ANO1: variants seen among roughly 807,000 people sequenced by gnomAD.
ANO1 encodes the protein anoctamin 1, also known as anoctamin-1.
Under a neutral mutation model 124.0 loss-of-function variants are expected in ANO1, and 59 were observed. The ratio of observed to expected loss-of-function variants is 0.48; its 90% CI spans 0.39 to 0.59. The LOEUF (loss-of-function observed/expected upper bound fraction) is 0.59, where lower values mean the gene tolerates loss of function less well. Ranked by LOEUF, ANO1 falls within the 20% of genes least tolerant of loss-of-function variation. The pLI is 0.00. For synonymous variants in ANO1, 529 were observed against 532.0 expected, an observed-to-expected ratio of 0.99 and a Z score of 0.08; for missense variants, 1,059 against 1,328.0, an observed-to-expected ratio of 0.80 and a Z score of 3.15.
At chr11:70,161,978 G>T (rs2048062636) in intron 18 of ANO1, among the ~76,000 whole-genome samples, 1 of 151,378 alleles carries the variant, frequency 6.6e-6, no homozygotes, top group Admixed American at 6.6e-5. Flanking sequence ...TGAGGACCGG[G>T]GAGTGAGGAC....
intron 1 of ANO1, among the ~76,000 whole-genome samples, chr11:70,000,320 C>T (rs1447274632): frequency 2.1e-5 from 1 of 47,716 alleles, no homozygotes; most frequent in Non-Finnish European, 5.7e-5. Flanking sequence ...TAGAGATGGG[C>T]CGGGGGGGGA....
chr11:69,978,184 G>T, the ANO1 span, among the ~76,000 whole-genome samples: 1 of 152,180 alleles, frequency 6.6e-6, no homozygotes, highest in African/African-American at 2.4e-5. Context: ...TTTCTGGAAG[G>T]GGGTGGCATT....
chr11:70,150,786 C>T (rs966939466), intron 12 of ANO1, among the ~76,000 whole-genome samples: 1 of 152,048 alleles, frequency 6.6e-6, no homozygotes, highest in African/African-American at 2.4e-5. Context: ...AGAACTTTTT[C>T]ATGCATTTTT....
At chr11:70,150,661 A>G (rs2135633700) in intron 12 of ANO1, among the ~76,000 whole-genome samples, 1 of 152,242 alleles carries the variant, frequency 6.6e-6, no homozygotes, top group East Asian at 1.9e-4. Flanking sequence ...CAGCCTCCCA[A>G]GTAGCTGGGG....
At chr11:70,121,507 C>G (rs2046269491) in intron 8 of ANO1, among the ~76,000 whole-genome samples, 1 of 145,846 alleles carries the variant, frequency 6.9e-6, no homozygotes, top group Non-Finnish European at 1.5e-5. Flanking sequence ...GTCTGTCTCT[C>G]TATCTCTGTC....
chr11:70,121,776 CTCTCTA>C (rs1445152600), intron 8 of ANO1, among the ~76,000 whole-genome samples: 43 of 134,942 alleles, frequency 3.2e-4, no homozygotes, highest in South Asian at 7.9e-4. Context: ...CTCTGTCTGT[CTCTCTA>C]TCTCTGTCTC....
intron 24 of ANO1, among the ~76,000 whole-genome samples, chr11:70,183,862 TG>T (rs2049015121): frequency 6.6e-6 from 1 of 152,214 alleles, no homozygotes; most frequent in Non-Finnish European, 1.5e-5. Flanking sequence ...TCTCCATCCC[TG>T]GGGTGGGGTC....
intron 1 of ANO1, among the ~76,000 whole-genome samples, chr11:70,030,692 C>T (rs928654360): frequency 6.6e-6 from 1 of 152,166 alleles, no homozygotes; most frequent in Non-Finnish European, 1.5e-5. Context: ...CCCGAATAAT[C>T]TCCCCATCTC....
chr11:70,036,684 T>C (rs1333008819), intron 1 of ANO1, among the ~76,000 whole-genome samples: 7 of 152,220 alleles, frequency 4.6e-5, no homozygotes, highest in Non-Finnish European at 1.0e-4. Context: ...CTCGGCTCAC[T>C]GCAAGCTCCA....
intron 1 of ANO1, among the ~76,000 whole-genome samples, chr11:70,070,986 C>T (rs782072298): frequency 4.6e-5 from 7 of 152,290 alleles, no homozygotes; most frequent in Non-Finnish European, 7.4e-5. Context: ...ATCGCTTCCA[C>T]TTGGCAAGGT....
At chr11:70,115,911 G>A (rs967854729) in intron 7 of ANO1, among the ~76,000 whole-genome samples, 16 of 152,138 alleles carry the variant, frequency 1.1e-4, no homozygotes, top group African/African-American at 3.9e-4. Flanking sequence ...GGGTCTGACC[G>A]AACTTAGGTG....
chr11:69,999,300 T>G (rs1856335358), intron 1 of ANO1, among the ~76,000 whole-genome samples: 1 of 152,056 alleles, frequency 6.6e-6, no homozygotes, highest in African/African-American at 2.4e-5. Flanking sequence ...CTGAATCTCA[T>G]GAGAACTCAC....
At chr11:70,162,032 GA>G (rs201556327) in intron 18 of ANO1, among the ~76,000 whole-genome samples, 1,552 of 150,726 alleles carry the variant, frequency 0.01, 32 homozygotes, top group African/African-American at 0.035. Context: ...GGGCCGTGGG[GA>G]CCCCAGGCAG....
intron 10 of ANO1, among the ~76,000 whole-genome samples, chr11:70,131,154 A>T (rs1004473926): frequency 6.6e-6 from 1 of 152,176 alleles, no homozygotes; most frequent in African/African-American, 2.4e-5. Context: ...TAGGCTGCAG[A>T]GGCTGCTGCC....
intron 1 of ANO1, among the ~76,000 whole-genome samples, chr11:70,020,717 G>T (rs1222267692): frequency 6.6e-6 from 1 of 152,340 alleles, no homozygotes; most frequent in Non-Finnish European, 1.5e-5. Flanking sequence ...CCCAGAGGGG[G>T]ACAGAGTGCT....
At chr11:70,015,047 G>A (rs883974) in intron 1 of ANO1, 35,946 of 151,790 alleles carry the variant, frequency 0.24, 4,422 homozygotes, top group Admixed American at 0.27. Context: ...ATGGAGACAC[G>A]TGGACCAATA....
At position 70,087,765 on chromosome 11, in the gene ANO1, T is replaced by C. The variant is rs1298644822; in HGVS notation, c.122T>C (p.Leu41Ser). 1.2e-6 allele frequency: 2 copies of C among 1,602,918 alleles called. No homozygotes were observed. The highest frequency in any genetic ancestry group is 1.7e-5 in the Admixed American group (1 of 59,206). The change falls in exon 2 of 26, where the codon TTA becomes TCA. Residue 41 changes from leucine to serine, a missense_variant. Physicochemically the swap from Leu to Ser is moderately radical, Grantham distance 145. Coordinates refer to ENST00000355303, the MANE Select transcript of ANO1 (RefSeq NM_018043.7). ...TTCCACCCTTAGCTGCTGAACTCCT[T>C]ATCTGTGGACCCTGATGCCGAGTGC... is the stretch of plus-strand genomic sequence containing the variant. ...LPSEGTLLNS[L>S]SVDPDAECKY... is the part of the protein sequence containing the mutation.
At chr11:70,159,065 C>T (rs771004123) in intron 16 of ANO1, among the ~76,000 whole-genome samples, 6 of 152,138 alleles carry the variant, frequency 3.9e-5, no homozygotes, top group Non-Finnish European at 5.9e-5. Flanking sequence ...AGTGCGGGGC[C>T]GGGAAGGAGG....
chr11:70,153,746 C>T (rs77208066), intron 14 of ANO1, among the ~76,000 whole-genome samples: 181 of 152,092 alleles, frequency 1.2e-3, no homozygotes, highest in African/African-American at 4.0e-3. Flanking sequence ...AGGTGCTTGC[C>T]GGCTTTGTTT....
Sources: allele counts gnomAD v4.1 joint callset (sites outside exome capture counted in the v4.1 genomes callset), GRCh38; gene constraint gnomAD v4.1.1; transcripts MANE v1.5; gene names NCBI Gene and HGNC (gene_info 2026-07-23, HGNC 2026-07-21).